The following LHFPL2 variants were observed in gnomAD, a reference collection of about 807,000 sequenced individuals.
The protein encoded by LHFPL2 is LHFPL tetraspan subfamily member 2, also known as LHFPL tetraspan subfamily member 2 protein.
LHFPL2 carries 7 observed loss-of-function variants against 17.5 expected under a neutral mutation model. The observed-to-expected ratio is 0.40, with a 90% CI of 0.23 to 0.75. The LOEUF (loss-of-function observed/expected upper bound fraction) is 0.75, where lower values mean the gene tolerates loss of function less well. LHFPL2 is among the 30% of genes least tolerant of loss of function. LHFPL2 has a pLI of 0.37. For missense variants in LHFPL2, 241 were observed against 294.8 expected (o/e 0.82, Z 1.34); for synonymous variants, 134 against 116.2 (o/e 1.15, Z -0.99).
At chr5:78,509,610 C>G (rs1755040344) in intron 4 of LHFPL2, among the ~76,000 whole-genome samples, 174 bp downstream of exon 4, 1 of 152,006 alleles carries the variant, frequency 6.6e-6, no homozygotes. Flanking sequence ...GGAAAGAGAC[C>G]CATGCGAGCA....
chr5:78,604,571 TAAAG>T (rs1034729443), intron 2 of LHFPL2, among the ~76,000 whole-genome samples: 2 of 152,338 alleles, frequency 1.3e-5, no homozygotes, highest in South Asian at 2.1e-4. Flanking sequence ...GTGAAACTAA[TAAAG>T]AAGCCCAAAC....
intron 3 of LHFPL2, among the ~76,000 whole-genome samples, chr5:78,531,024 T>C (rs771139273): frequency 2.0e-5 from 3 of 152,064 alleles, no homozygotes; most frequent in Non-Finnish European, 4.4e-5. Flanking sequence ...TGGCATAGAG[T>C]AGGACTCAGC....
intron 1 of LHFPL2, among the ~76,000 whole-genome samples, chr5:78,647,705 A>C (rs747851581): frequency 6.6e-6 from 1 of 152,144 alleles, no homozygotes; most frequent in Non-Finnish European, 1.5e-5. Context: ...CCATTGAAAC[A>C]AGCACATGGA....
At chr5:78,584,569 G>C (rs1317624003) in intron 2 of LHFPL2, among the ~76,000 whole-genome samples, 2 of 152,084 alleles carry the variant, frequency 1.3e-5, no homozygotes, top group Non-Finnish European at 2.9e-5. Context: ...GCCCCTGCTG[G>C]GGGGGTGCCT....
chr5:78,518,377 C>T (rs1037268530), intron 3 of LHFPL2, among the ~76,000 whole-genome samples: 8 of 152,174 alleles, frequency 5.3e-5, no homozygotes, highest in Admixed American at 2.6e-4. Context: ...AGGTACGCAG[C>T]GTTTTCCAAC....
intron 4 of LHFPL2, chr5:78,491,264 G>GTGAT (rs1162394341): frequency 1.3e-5 from 2 of 152,342 alleles, no homozygotes; most frequent in East Asian, 3.9e-4. Flanking sequence ...TTGAAGAGGG[G>GTGAT]TGATTCACAA....
In LHFPL2 at chr5:78,592,727, T is replaced by TAC. The variant is rs61193086; in HGVS notation, c.-244-27858_-244-27857dup. Among the ~76,000 whole-genome samples the TAC allele has an allele frequency of 3.5e-3, 107 of 30,872 alleles. 13 individuals are homozygous for TAC. The highest frequency in any genetic ancestry group is 0.023 in the Middle Eastern group (1 of 44). The allele number at this position is 30,872 out of a possible 152,430, so 20.3% of individuals were successfully genotyped here. ...TCTTCAACTTAGTGAAAAATTCAGA[T>TAC]ACACACACACACACACACACACACA... On this transcript the variant is annotated intron_variant, in intron 2 of 4. Transcript: ENST00000380345.
At chr5:78,570,013 T>C (rs1756955071) in intron 2 of LHFPL2, among the ~76,000 whole-genome samples, 1 of 152,180 alleles carries the variant, frequency 6.6e-6, no homozygotes. Context: ...AACACTGCTA[T>C]TGTTATTCCC....
In LHFPL2 at chr5:78,537,137, TC is replaced by T. The variant is rs1755972934; in HGVS notation, c.-185-26740del. The stretch of plus-strand genomic sequence containing the variant: ...TTTAAGAAGCGCTGCTCTACGACTG[TC>T]CTCTTCCCACTCATTCCCTACACAC... On this transcript the variant is annotated intron_variant, in intron 3 of 4. Coordinates refer to ENST00000380345, the MANE Select transcript of LHFPL2 (RefSeq NM_005779.3). 3.9e-5 allele frequency among the ~76,000 whole-genome samples: 6 copies of T among 151,960 alleles called. No individual in the cohort carries two copies. The South Asian group carries it at 1.3e-3, about 32-fold the overall frequency.
rs140754026 is a variant in LHFPL2 at position 78,538,974 on chromosome 5, G to A, written c.-186+25839C>T. On this transcript the variant is annotated intron_variant, in intron 3 of 4. Transcript: ENST00000380345. ...ATTCCTAGCTCTGCTCTCCAATGGCGACATAATGACCCTAGGCAAGGCACT... is the reference window on the plus strand; with the variant it reads ...ATTCCTAGCTCTGCTCTCCAATGGCAACATAATGACCCTAGGCAAGGCACT... 7.7e-3 allele frequency among the ~76,000 whole-genome samples: 1,178 copies of A among 152,246 alleles called. 8 individuals are homozygous for A. The highest frequency in any genetic ancestry group is 0.027 in the African/African-American group (1,120 of 41,528).
chr5:78,535,478 A>T (rs1755920190), intron 3 of LHFPL2, among the ~76,000 whole-genome samples: 2 of 152,254 alleles, frequency 1.3e-5, no homozygotes, highest in Admixed American at 6.5e-5. Context: ...AGGAGAGCAA[A>T]GACGACCTAG....
chr5:78,533,045 G>C (rs1321293855), intron 3 of LHFPL2, among the ~76,000 whole-genome samples: 1 of 152,120 alleles, frequency 6.6e-6, no homozygotes, highest in African/African-American at 2.4e-5. Flanking sequence ...CTCCCTCTCT[G>C]AGTCCACTCA....
intron 2 of LHFPL2, among the ~76,000 whole-genome samples, chr5:78,580,495 T>C (rs1027012036): frequency 6.7e-6 from 1 of 148,782 alleles, no homozygotes; most frequent in African/African-American, 2.4e-5. Context: ...CGTTTAAGTC[T>C]TTAATTCATC....
chr5:78,529,207 G>A (rs1755707919), intron 3 of LHFPL2, among the ~76,000 whole-genome samples: 1 of 152,144 alleles, frequency 6.6e-6, no homozygotes, highest in Non-Finnish European at 1.5e-5. Context: ...GATCACTTGA[G>A]CCCAGGGGTT....
At chr5:78,528,724 C>T (rs1228491384) in intron 3 of LHFPL2, among the ~76,000 whole-genome samples, 1 of 152,180 alleles carries the variant, frequency 6.6e-6, no homozygotes, top group Non-Finnish European at 1.5e-5. Flanking sequence ...CCCTTAACTC[C>T]CTCACAGCTG....
At chr5:78,581,038 A>G (rs1310538802) in intron 2 of LHFPL2, among the ~76,000 whole-genome samples, 1 of 152,108 alleles carries the variant, frequency 6.6e-6, no homozygotes, top group Non-Finnish European at 1.5e-5. Context: ...AGTGGTTTGT[A>G]GTTCTCCTTG....
At chr5:78,576,237 G>C (rs1367924595) in intron 2 of LHFPL2, among the ~76,000 whole-genome samples, 1 of 151,854 alleles carries the variant, frequency 6.6e-6, no homozygotes, top group Non-Finnish European at 1.5e-5. Context: ...GGAGCTTGCA[G>C]TGAGCCGAGA....
At chr5:78,551,454 C>T (rs1397873105) in intron 3 of LHFPL2, among the ~76,000 whole-genome samples, 5 of 152,150 alleles carry the variant, frequency 3.3e-5, no homozygotes. Flanking sequence ...AGGTTTGTAT[C>T]TGGGGGCCAC....
intron 4 of LHFPL2, among the ~76,000 whole-genome samples, chr5:78,493,751 G>A (rs973662868): frequency 1.3e-5 from 2 of 152,134 alleles, no homozygotes; most frequent in South Asian, 2.1e-4. Flanking sequence ...GTGAGCCCTG[G>A]GTTTTAAAAG....
Sources: gnomAD v4.1 joint callset for allele counts (sites outside exome capture counted in the v4.1 genomes callset) on GRCh38, gnomAD v4.1.1 for gene constraint, MANE v1.5 for transcripts, NCBI Gene and HGNC (gene_info 2026-07-23, HGNC 2026-07-21) for gene names.